Variants in AIM2 observed in about 807,000 individuals in gnomAD.
AIM2 encodes the protein absent in melanoma 2, also known as interferon-inducible protein AIM2.
A neutral mutation model predicts 27.7 loss-of-function variants in AIM2; 30 were observed. The observed-to-expected ratio is 1.08, with a 90% CI of 0.81 to 1.47. The LOEUF (loss-of-function observed/expected upper bound fraction) is 1.47, where lower values mean the gene tolerates loss of function less well. Among genes scored for constraint, AIM2 ranks in the 40% most tolerant of loss-of-function variants. The pLI, the probability that AIM2 is intolerant of heterozygous loss-of-function variation, is 0.00. For synonymous variants in AIM2, 141 were observed against 145.3 expected, an observed-to-expected ratio of 0.97 and a Z score of 0.21; for missense variants, 358 against 411.3, an observed-to-expected ratio of 0.87 and a Z score of 1.12.
At chr1:159,058,933 G>T (rs2101952383), downstream of AIM2, among the ~76,000 whole-genome samples, 1 of 152,262 alleles carries the variant, frequency 6.6e-6, no homozygotes, top group South Asian at 2.1e-4. Context: ...AGGAAGAGGA[G>T]GGGCCAGGCT....
At chr1:159,096,761 A>G (rs1267828725) in intron 1 of AIM2, among the ~76,000 whole-genome samples, 1 of 152,176 alleles carries the variant, frequency 6.6e-6, no homozygotes, top group Non-Finnish European at 1.5e-5. Context: ...TGTAGGTACC[A>G]GCAGGCTGGA....
At chr1:159,139,316 G>A (rs997259970) in intron 1 of AIM2, among the ~76,000 whole-genome samples, 1 of 152,190 alleles carries the variant, frequency 6.6e-6, no homozygotes, top group South Asian at 2.1e-4. Context: ...ATCTGCCCCT[G>A]CTGATGACAC....
chr1:159,106,859 A>C (rs1219821755), intron 1 of AIM2, among the ~76,000 whole-genome samples: 1 of 152,252 alleles, frequency 6.6e-6, no homozygotes, highest in Admixed American at 6.5e-5. Context: ...AAATAGAGAT[A>C]ATAGGAAGTG....
intron 1 of AIM2, among the ~76,000 whole-genome samples, chr1:159,074,881 A>G (rs1158488189): frequency 1.3e-5 from 2 of 152,176 alleles, no homozygotes; most frequent in Non-Finnish European, 2.9e-5. Flanking sequence ...TAAAATGAAG[A>G]CAGCAGTGTT....
At chr1:159,116,547 G>A (rs1647355840) in intron 1 of AIM2, among the ~76,000 whole-genome samples, 1 of 152,092 alleles carries the variant, frequency 6.6e-6, no homozygotes, top group Non-Finnish European at 1.5e-5. Context: ...CATGGATAAA[G>A]CTGGAAACCA....
chr1:159,060,128 T>C (rs1380955425), downstream of AIM2, among the ~76,000 whole-genome samples: 1 of 152,234 alleles, frequency 6.6e-6, no homozygotes, highest in Admixed American at 6.5e-5. Context: ...TCAAATAATA[T>C]GAACATAATT....
chr1:159,140,794 A>G (rs1047689309), upstream of AIM2, among the ~76,000 whole-genome samples: 1 of 152,236 alleles, frequency 6.6e-6, no homozygotes, highest in Non-Finnish European at 1.5e-5. Context: ...GACAGCAAAA[A>G]TGAACGCGGG....
chr1:159,055,388 A>C, the AIM2 span, among the ~76,000 whole-genome samples: 1 of 152,218 alleles, frequency 6.6e-6, no homozygotes, highest in Non-Finnish European at 1.5e-5. Context: ...TCAGTTGCCA[A>C]GTGCTGTGTT....
At chr1:159,117,010 A>G (rs111384402) in intron 1 of AIM2, among the ~76,000 whole-genome samples, 1 of 152,122 alleles carries the variant, frequency 6.6e-6, no homozygotes, top group Non-Finnish European at 1.5e-5. Context: ...CTATCAAGTT[A>G]TTTTTTGTGT....
chr1:159,103,731 C>T (rs1031880128), intron 1 of AIM2, among the ~76,000 whole-genome samples: 39 of 152,264 alleles, frequency 2.6e-4, no homozygotes, highest in African/African-American at 2.4e-5. Context: ...CCTTGCACAC[C>T]TCTCCTTTCT....
chr1:159,105,703 G>A (rs547168353), intron 1 of AIM2, among the ~76,000 whole-genome samples: 5 of 152,236 alleles, frequency 3.3e-5, no homozygotes, highest in South Asian at 2.1e-4. Flanking sequence ...GAGGAGACCC[G>A]AATTGGGTAG....
intron 1 of AIM2, among the ~76,000 whole-genome samples, chr1:159,105,386 T>C (rs1657415939): frequency 6.6e-6 from 1 of 152,188 alleles, no homozygotes; most frequent in Non-Finnish European, 1.5e-5. Flanking sequence ...AGCTCCTCTT[T>C]CTCATAGCCT....
At chr1:159,079,190 C>T (rs1482389144), upstream of AIM2, among the ~76,000 whole-genome samples, 1 of 151,670 alleles carries the variant, frequency 6.6e-6, no homozygotes, top group African/African-American at 2.4e-5. Context: ...AAAGACATTG[C>T]ATCCATGAAA....
intron 1 of AIM2, among the ~76,000 whole-genome samples, chr1:159,111,958 C>T (rs1474920661): frequency 6.6e-6 from 1 of 151,976 alleles, no homozygotes; most frequent in Admixed American, 6.6e-5. Context: ...TCAAGAAGCA[C>T]TTGAACCTAG....
intron 1 of AIM2, chr1:159,123,674 C>A (rs1647603426): frequency 6.6e-6 from 1 of 152,218 alleles, no homozygotes; most frequent in African/African-American, 2.4e-5. Flanking sequence ...AGATTTATTG[C>A]TGTGCATCCT....
At chr1:159,099,820 A>G (rs1476978038) in intron 1 of AIM2, among the ~76,000 whole-genome samples, 1 of 142,896 alleles carries the variant, frequency 7.0e-6, no homozygotes, top group African/African-American at 2.5e-5. Flanking sequence ...GACTCACTTA[A>G]AGAGCAGCAA....
At chr1:159,074,877 G>A (rs1334665475) in intron 1 of AIM2, among the ~76,000 whole-genome samples, 1 of 152,074 alleles carries the variant, frequency 6.6e-6, no homozygotes, top group Non-Finnish European at 1.5e-5. Context: ...TTGATAAAAT[G>A]AAGACAGCAG....
At chr1:159,072,451 A>C (rs1401970553) in intron 2 of AIM2, among the ~76,000 whole-genome samples, 2 of 152,200 alleles carry the variant, frequency 1.3e-5, no homozygotes, top group Non-Finnish European at 2.9e-5. Flanking sequence ...TTGCATTTGG[A>C]GACTTTCATT....
At chr1:159,076,968 A>C (rs1331223360), upstream of AIM2, 1 of 152,204 alleles carries the variant, frequency 6.6e-6, no homozygotes, top group Non-Finnish European at 1.5e-5. Context: ...TGGCCTAGAA[A>C]CTGTAAAAAA....
Sources: gnomAD v4.1 joint callset for allele counts (sites outside exome capture counted in the v4.1 genomes callset) on GRCh38, gnomAD v4.1.1 for gene constraint, MANE v1.5 for transcripts, NCBI Gene and HGNC (gene_info 2026-07-23, HGNC 2026-07-21) for gene names.